The following PSPC1 variants were observed in gnomAD, a reference collection of about 807,000 sequenced individuals.
PSPC1 encodes paraspeckle component 1, also known as paraspeckle protein 1.
A neutral mutation model predicts 51.6 loss-of-function variants in PSPC1; 14 were observed. That is an observed-to-expected ratio of 0.27 (90% confidence interval 0.18 to 0.42). The LOEUF is 0.42. Among genes scored for constraint, PSPC1 ranks in the 10% least tolerant of loss-of-function variants. The pLI is 1.00. For missense variants in PSPC1, 406 were observed against 701.1 expected (o/e 0.58, Z 4.75); for synonymous variants, 193 against 231.9 (o/e 0.83, Z 1.53).
chr13:19,761,009 T>A (rs1294198410), intron 2 of PSPC1, among the ~76,000 whole-genome samples: 1 of 150,768 alleles, frequency 6.6e-6, no homozygotes, highest in Non-Finnish European at 1.5e-5. Context: ...AAAAAAAATT[T>A]AAAATTAGCC....
chr13:19,759,588 C>T (rs1048811025), intron 2 of PSPC1, among the ~76,000 whole-genome samples, 170 bp from the exon 3 acceptor site: 2 of 152,124 alleles, frequency 1.3e-5, no homozygotes, highest in African/African-American at 2.4e-5. Flanking sequence ...ACAGCCGAAG[C>T]AGTGGCTCAC....
In PSPC1 at chr13:19,750,750, T is replaced by G. The variant is rs533126942; in HGVS notation, c.967+521A>C. ...ACCCGCAAATTACCTCCAACACTAC[T>G]GCTTGCATAAGTAAAACTAACTTTT... On this transcript the variant is annotated intron_variant, in intron 4 of 8. Coordinates refer to ENST00000338910, the MANE Select transcript of PSPC1 (RefSeq NM_001354909.2). Among the ~76,000 whole-genome samples, 4 of 150,770 alleles carry G rather than the reference T, an allele frequency of 2.7e-5. No homozygotes were observed. The South Asian group carries it at 6.3e-4, about 24-fold the overall frequency.
intron 6 of PSPC1, among the ~76,000 whole-genome samples, chr13:19,724,337 TAG>T (rs1883111081): frequency 2.0e-5 from 3 of 152,202 alleles, no homozygotes; most frequent in Non-Finnish European, 1.5e-5. Context: ...TTTTACCAGA[TAG>T]AGTTTCTGTT....
chr13:19,694,503 A>G (rs981596213), intron 6 of PSPC1, among the ~76,000 whole-genome samples: 1 of 152,222 alleles, frequency 6.6e-6, no homozygotes, highest in African/African-American at 2.4e-5. Flanking sequence ...AAAGTTGAGA[A>G]ATTTTACATT....
rs527272830 is a variant in PSPC1 at position 19,682,144 on chromosome 13, T to C, written c.1159-4321A>G. On this transcript the variant is annotated intron_variant and NMD_transcript_variant, in intron 6 of 7. Coordinates refer to the PSPC1 transcript ENST00000471658. ...TAATTTTGATGTAATATAACCTCAA[T>C]AGATGAACAAATTATTTAACATATT... Among the ~76,000 whole-genome samples the C allele has an allele frequency of 7.9e-5, 12 of 152,302 alleles. No homozygotes were observed. The East Asian group carries it at 1.5e-3, about 20-fold the overall frequency.
intron 2 of PSPC1, among the ~76,000 whole-genome samples, chr13:19,762,817 A>C: frequency 6.6e-6 from 1 of 152,126 alleles, no homozygotes; most frequent in South Asian, 2.1e-4. Flanking sequence ...AAAATTTGTT[A>C]AACTCAACCT....
intron 2 of PSPC1, among the ~76,000 whole-genome samples, chr13:19,759,928 A>G (rs1173116065): frequency 6.6e-6 from 1 of 152,120 alleles, no homozygotes; most frequent in Non-Finnish European, 1.5e-5. Flanking sequence ...CAAAAGCCAC[A>G]AAAAGATGAG....
chr13:19,777,429 C>CAAAAA (rs397938970), intron 1 of PSPC1, among the ~76,000 whole-genome samples: 19 of 47,834 alleles, frequency 4.0e-4, no homozygotes, highest in South Asian at 1.5e-3. Context: ...GACCTCAGCT[C>CAAAAA]AAAAAAAAAA....
intron 6 of PSPC1, among the ~76,000 whole-genome samples, chr13:19,691,966 A>G (rs971190987): frequency 2.0e-5 from 3 of 151,178 alleles, no homozygotes; most frequent in African/African-American, 7.4e-5. Flanking sequence ...GAACCACCTT[A>G]GAGTTTAGTG....
At chr13:19,709,721 T>G (rs1238870594) in intron 6 of PSPC1, 122 bp from the exon 7 acceptor site, 1 of 865,318 alleles carries the variant, frequency 1.2e-6, no homozygotes, top group African/African-American at 1.7e-5. Flanking sequence ...TTTGAAAAGT[T>G]TCCATCATCA....
chr13:19,672,621 T>A (rs1876200030), downstream of PSPC1: 1 of 153,828 alleles, frequency 6.5e-6, no homozygotes, highest in Non-Finnish European at 1.4e-5. Flanking sequence ...CTTGAAAGGG[T>A]TGGGAGGCCT....
chr13:19,745,943 T>C (rs1304959987), intron 4 of PSPC1, among the ~76,000 whole-genome samples: 20 of 152,116 alleles, frequency 1.3e-4, no homozygotes, highest in Admixed American at 4.6e-4. Context: ...TCTTCACTTA[T>C]GTGATGTTTA....
intron 6 of PSPC1, among the ~76,000 whole-genome samples, chr13:19,687,268 A>G (rs1022977294): frequency 2.0e-5 from 3 of 152,152 alleles, no homozygotes; most frequent in Admixed American, 6.5e-5. Context: ...TGGGATGTGC[A>G]TTTCTGTAAC....
intron 6 of PSPC1, among the ~76,000 whole-genome samples, chr13:19,691,093 A>C (rs1448722772): frequency 6.6e-6 from 1 of 152,258 alleles, no homozygotes; most frequent in African/African-American, 2.4e-5. Flanking sequence ...ATACTCATCC[A>C]AACACTTTAA....
intron 6 of PSPC1, among the ~76,000 whole-genome samples, chr13:19,687,659 C>G (rs1878070639): frequency 1.7e-4 from 1 of 5,724 alleles, no homozygotes; most frequent in Non-Finnish European, 1.0e-3. Context: ...CTTCTTTCTT[C>G]CACATAAATC....
chr13:19,766,737 C>A (rs1424061070), intron 2 of PSPC1, among the ~76,000 whole-genome samples: 1 of 152,026 alleles, frequency 6.6e-6, no homozygotes, highest in Non-Finnish European at 1.5e-5. Flanking sequence ...TGCCTATAGT[C>A]CCAGCAGCTT....
chr13:19,720,627 A>G (rs1310289578), intron 6 of PSPC1, among the ~76,000 whole-genome samples: 4 of 152,236 alleles, frequency 2.6e-5, no homozygotes, highest in African/African-American at 9.6e-5. Flanking sequence ...ATAAAAATCA[A>G]AGTTATTTAA....
In PSPC1 at chr13:19,782,241, CGCACAGAG is replaced by C; in HGVS notation, c.372+137_372+144del. 7.6e-7 allele frequency: 1 copy of C among 1,311,124 alleles called. No individual in the cohort carries two copies. The highest frequency in any genetic ancestry group is 1.0e-6 in the Non-Finnish European group (1 of 995,336). The allele number at this position is 1,311,124 out of a possible 1,614,324, so 81.2% of individuals were successfully genotyped here. A position where few individuals can be genotyped will look rare whatever the true frequency, so the allele number is the denominator to read the frequency against. On this transcript the variant is annotated intron_variant, in intron 1 of 8. Transcript: ENST00000338910. The surrounding 1 kb of genome is among the most constrained non-coding windows in gnomAD (Gnocchi z 4.5). ...GCCGAGCTGGGGAAGCGGCCAACCC[CGCACAGAG>C]GAATCGATGAGGCCGAGCGGCGCCA...
intron 6 of PSPC1, among the ~76,000 whole-genome samples, chr13:19,696,388 A>G (rs570178074): frequency 2.0e-5 from 3 of 152,228 alleles, no homozygotes; most frequent in South Asian, 4.2e-4. Flanking sequence ...TACAGTCACA[A>G]TTTTTTGGAA....
Sources: gnomAD v4.1 joint callset for allele counts (sites outside exome capture counted in the v4.1 genomes callset) on GRCh38, gnomAD v4.1.1 for gene constraint, Gnocchi (gnomAD v3.1) non-coding constraint, MANE v1.5 for transcripts, NCBI Gene and HGNC (gene_info 2026-07-23, HGNC 2026-07-21) for gene names.